The following ALK variants were observed in gnomAD, a reference collection of about 807,000 sequenced individuals.
ALK encodes ALK tyrosine kinase receptor.
A neutral mutation model predicts 163.1 loss-of-function variants in ALK; 74 were observed. The observed-to-expected ratio is 0.45, with a 90% CI of 0.38 to 0.55. The LOEUF (loss-of-function observed/expected upper bound fraction) is 0.55. ALK is among the 20% of genes least tolerant of loss of function. ALK has a pLI of 0.00. For synonymous variants in ALK, 960 were observed against 843.2 expected (o/e 1.14, Z -2.40); for missense variants, 2,063 against 2,105.3 (o/e 0.98, Z 0.39).
intron 3 of ALK, among the ~76,000 whole-genome samples, chr2:29,613,461 A>G (rs1452355161): frequency 6.6e-6 from 1 of 152,234 alleles, no homozygotes; most frequent in Non-Finnish European, 1.5e-5. Flanking sequence ...TCCAAGGCAT[A>G]AGCCCTTCCT....
At chr2:29,898,036 G>A (rs1264195026) in intron 1 of ALK, among the ~76,000 whole-genome samples, 5 of 152,204 alleles carry the variant, frequency 3.3e-5, no homozygotes, top group African/African-American at 9.7e-5. Context: ...GATGGAAGGA[G>A]TAAAGGCAAG....
At chr2:29,784,519 A>C (rs1663944788) in intron 1 of ALK, among the ~76,000 whole-genome samples, 1 of 152,140 alleles carries the variant, frequency 6.6e-6, no homozygotes, top group African/African-American at 2.4e-5. Context: ...AATGTGGCAA[A>C]ACCCTGTCTC....
intron 2 of ALK, among the ~76,000 whole-genome samples, chr2:29,714,624 G>A (rs1008273069): frequency 2.6e-5 from 4 of 152,258 alleles, no homozygotes; most frequent in Non-Finnish European, 4.4e-5. Flanking sequence ...CAGGATGCAG[G>A]TGAAGACAGC....
At chr2:29,500,220 G>C (rs1367973726) in intron 4 of ALK, among the ~76,000 whole-genome samples, 1 of 152,162 alleles carries the variant, frequency 6.6e-6, no homozygotes, top group Non-Finnish European at 1.5e-5. Flanking sequence ...TGGATCATGG[G>C]GGTGGAATCC....
chr2:29,761,953 A>G (rs1224341239), intron 1 of ALK, among the ~76,000 whole-genome samples: 1 of 152,250 alleles, frequency 6.6e-6, no homozygotes, highest in African/African-American at 2.4e-5. Context: ...AAAATGGCCC[A>G]TTCTAGGTTA....
chr2:29,556,969 T>C (rs1256152631), intron 3 of ALK, among the ~76,000 whole-genome samples: 1 of 152,232 alleles, frequency 6.6e-6, no homozygotes, highest in Non-Finnish European at 1.5e-5. Context: ...AAATCAAAAA[T>C]ATCTCTACAA....
At chr2:29,382,757 G>A (rs1668931466) in intron 5 of ALK, among the ~76,000 whole-genome samples, 1 of 152,144 alleles carries the variant, frequency 6.6e-6, no homozygotes, top group African/African-American at 2.4e-5. Context: ...TCATATCATA[G>A]GTTAACCACC....
At chr2:29,859,005 C>G (rs916810381) in intron 1 of ALK, among the ~76,000 whole-genome samples, 1 of 151,738 alleles carries the variant, frequency 6.6e-6, no homozygotes, top group Non-Finnish European at 1.5e-5. Flanking sequence ...TGCACTCCAG[C>G]CTGAGCAACA....
intron 1 of ALK, among the ~76,000 whole-genome samples, chr2:29,787,396 C>T (rs538945422): frequency 2.6e-5 from 4 of 152,158 alleles, no homozygotes; most frequent in Non-Finnish European, 5.9e-5. Context: ...TCACAAAGGG[C>T]AATCCAAGGC....
intron 2 of ALK, among the ~76,000 whole-genome samples, chr2:29,696,933 A>AT (rs1558447233): frequency 2.5e-4 from 38 of 150,830 alleles, no homozygotes; most frequent in African/African-American, 8.4e-4. Context: ...CCTAAAAAAA[A>AT]AAATAAAATA....
intron 4 of ALK, among the ~76,000 whole-genome samples, chr2:29,475,015 C>T (rs1037193869): frequency 6.7e-6 from 1 of 149,724 alleles, no homozygotes; most frequent in Non-Finnish European, 1.5e-5. Flanking sequence ...CAGAAGAAAC[C>T]GCCAGGCTCC....
At chr2:29,617,833 T>C (rs750521207) in intron 3 of ALK, among the ~76,000 whole-genome samples, 1 of 152,236 alleles carries the variant, frequency 6.6e-6, no homozygotes, top group African/African-American at 2.4e-5. Context: ...AGTATGTGCA[T>C]GTGACTATTG....
In ALK at chr2:29,247,058, C is replaced by T. The variant is rs543776813; in HGVS notation, c.2204+4047G>A. Among the ~76,000 whole-genome samples, 5 of 152,334 alleles carry T rather than the reference C, an allele frequency of 3.3e-5. No individual in the cohort carries two copies. The South Asian group carries it at 1.0e-3, about 32-fold the overall frequency. Reference sequence around the variant, plus strand: ...CAATGCTTAGGGCCTTCGAACTTAACCCAGGTGCCCCTCTCCTGGCAGAAG... The same window carrying T: ...CAATGCTTAGGGCCTTCGAACTTAATCCAGGTGCCCCTCTCCTGGCAGAAG... On this transcript the variant is annotated intron_variant, in intron 12 of 28. Transcript: ENST00000389048.
At chr2:29,884,316 AC>A (rs1410858437) in intron 1 of ALK, among the ~76,000 whole-genome samples, 1 of 152,204 alleles carries the variant, frequency 6.6e-6, no homozygotes, top group Non-Finnish European at 1.5e-5. Flanking sequence ...ATACAAAGTG[AC>A]AGTAGTGATG....
chr2:29,554,005 AT>A (rs1481650360), intron 3 of ALK, among the ~76,000 whole-genome samples: 1 of 152,118 alleles, frequency 6.6e-6, no homozygotes, highest in Non-Finnish European at 1.5e-5. Flanking sequence ...GTCCTTTGCC[AT>A]TTAGTTTTGT....
intron 1 of ALK, among the ~76,000 whole-genome samples, chr2:29,908,497 C>T (rs1048998409): frequency 2.6e-5 from 4 of 152,218 alleles, no homozygotes; most frequent in Admixed American, 6.5e-5. Context: ...AAATTACCTC[C>T]TTCTGGAAGT....
chr2:29,871,555 A>T (rs1389521225), intron 1 of ALK, among the ~76,000 whole-genome samples: 1 of 152,206 alleles, frequency 6.6e-6, no homozygotes, highest in Non-Finnish European at 1.5e-5. Context: ...TCTAAGAGCA[A>T]CAGAACCTCT....
rs77991559 is a variant in ALK, at chr2:29,556,409, T to C, written c.953-24293A>G. Among the ~76,000 whole-genome samples, 376 of 152,310 alleles carry C rather than the reference T, an allele frequency of 2.5e-3. 3 individuals carry two copies. Among genetic ancestry groups the C allele is most frequent in the East Asian group, 7.5e-3 (39 of 5,186 alleles). On this transcript the variant is annotated intron_variant, in intron 3 of 28. Transcript: ENST00000389048. ...CAAGAACTGTTCACTCCTGTTATTA[T>C]TGTCATCACAGTCCTTACTATTGCA...
intron 2 of ALK, among the ~76,000 whole-genome samples, chr2:29,708,172 A>G (rs1462944804): frequency 1.3e-5 from 2 of 152,174 alleles, no homozygotes; most frequent in Non-Finnish European, 2.9e-5. Flanking sequence ...GGTTCAAGCA[A>G]TTATCCTGCC....
Sources: gnomAD v4.1 joint callset for allele counts (sites outside exome capture counted in the v4.1 genomes callset) on GRCh38, gnomAD v4.1.1 for gene constraint, MANE v1.5 for transcripts, NCBI Gene and HGNC (gene_info 2026-07-23, HGNC 2026-07-21) for gene names.